ATRAID: variants seen among roughly 807,000 people sequenced by gnomAD.
ATRAID encodes all-trans retinoic acid-induced differentiation factor.
In ATRAID, 26 loss-of-function variants were observed where a neutral mutation model predicts 28.8. The observed-to-expected ratio is 0.90, with a 90% confidence interval of 0.66 to 1.25. The LOEUF is 1.25. Among genes scored for constraint, ATRAID ranks in the 50% most tolerant of loss-of-function variants. The probability of loss-of-function intolerance (pLI) is 0.00; values close to 1 mark genes in which losing one functional copy is unlikely to be tolerated. For missense variants in ATRAID, 308 were observed against 285.9 expected (o/e 1.08, Z -0.56); for synonymous variants, 131 against 108.5 (o/e 1.21, Z -1.29).
At position 27,212,256 on chromosome 2, in the gene ATRAID, G is replaced by A. The variant is rs1417563010; in HGVS notation, c.-113G>A. On this transcript the variant is annotated 5_prime_UTR_variant, in exon 1 of 7. Coordinates refer to ENST00000380171, the MANE Select transcript of ATRAID (RefSeq NM_001170795.4). ...CAGGAAAAGCCCCCAAGCAGCCCCA[G>A]GGCGACTGGACCGGGCCGCTTAGGC... 1.9e-6 allele frequency: 3 copies of A among 1,559,760 alleles called. No homozygotes were observed. Among genetic ancestry groups the A allele is most frequent in the Non-Finnish European group, 1.7e-6 (2 of 1,152,424 alleles).
At chr2:27,213,855 CCA>C (rs1469398073) in intron 2 of ATRAID, among the ~76,000 whole-genome samples, 4 of 152,204 alleles carry the variant, frequency 2.6e-5, no homozygotes, top group Non-Finnish European at 5.9e-5. Context: ...CCTTCCTCTA[CCA>C]AATTAGGAAA....
chr2:27,215,462 T>C lies in ATRAID; in HGVS notation c.294-12T>C. On this transcript the variant is annotated splice_polypyrimidine_tract_variant and intron_variant, in intron 3 of 6. Coordinates refer to ENST00000380171, the MANE Select transcript of ATRAID (RefSeq NM_001170795.4). ...GGTTGATGCGAAAGTGCTAACATTGTGTACTTTGCAGAGACCTGCAAGCAA... is the reference window on the plus strand; with the variant it reads ...GGTTGATGCGAAAGTGCTAACATTGCGTACTTTGCAGAGACCTGCAAGCAA... 1 of 1,614,180 alleles carries C rather than the reference T, an allele frequency of 6.2e-7. No homozygotes were observed.
chr2:27,212,140 G>T lies in ATRAID; in HGVS notation c.-229G>T. 1 of 1,521,394 alleles carries T rather than the reference G, an allele frequency of 6.6e-7. No homozygotes were observed. The highest frequency in any genetic ancestry group is 8.8e-7 in the Non-Finnish European group (1 of 1,137,514). 94.2% of individuals were successfully genotyped at this position (1,521,394 alleles called of 1,614,324 possible). A position where few individuals can be genotyped will look rare whatever the true frequency, so the allele number is the denominator to read the frequency against. On this transcript the variant is annotated 5_prime_UTR_variant, in exon 1 of 7. Coordinates refer to ENST00000380171, the MANE Select transcript of ATRAID (RefSeq NM_001170795.4). Reference sequence around the variant, plus strand: ...GGGAAGCCGCGCGGCGACGGGGGAGGCCTTCACTAAAGGGGAAAAGGAAGA... The same window carrying T: ...GGGAAGCCGCGCGGCGACGGGGGAGTCCTTCACTAAAGGGGAAAAGGAAGA...
In ATRAID at chr2:27,215,941, C is replaced by G. The variant is rs148661974; in HGVS notation, c.487+188C>G. ...CACGTGTGTCCGTGTAAAGAGACCA[C>G]CAAACAGGCTTTGTGTGAGCAACAA... is the stretch of plus-strand genomic sequence containing the variant. On this transcript the variant is annotated intron_variant, in intron 5 of 6. Transcript: ENST00000380171. 5.9e-3 allele frequency among the ~76,000 whole-genome samples: 893 copies of G among 152,356 alleles called. 6 individuals are homozygous for G. The highest frequency in any genetic ancestry group is 0.02 in the African/African-American group (842 of 41,584).
chr2:27,216,414 T>G (rs1438846128), intron 5 of ATRAID, 109 bp from the exon 6 acceptor site: 1 of 924,098 alleles, frequency 1.1e-6, no homozygotes, highest in Non-Finnish European at 1.7e-6. Flanking sequence ...TTCTTTCTTC[T>G]TCCTTTATCC....
At position 27,212,203 on chromosome 2, in the gene ATRAID, C is replaced by G; in HGVS notation, c.-166C>G. On this transcript the variant is annotated 5_prime_UTR_variant, in exon 1 of 7. Transcript: ENST00000380171. ...GTATCCCCGAAAGAGGGCTAGGGCG[C>G]ATGAAGACCAGCGCAGAGCTCCACG... 6.4e-7 allele frequency: 1 copy of G among 1,554,944 alleles called. No homozygotes were observed. The highest frequency in any genetic ancestry group is 1.4e-5 in the African/African-American group (1 of 73,562).
chr2:27,213,126 C>A (rs1674670041), intron 1 of ATRAID, 51 bp from the exon 2 acceptor site: 1 of 1,576,646 alleles, frequency 6.3e-7, no homozygotes, highest in South Asian at 1.1e-5. Context: ...GCCGTTTGTT[C>A]TTTTCTTGGC....
At chr2:27,213,330 C>CA (rs769425421) in intron 2 of ATRAID, 32 bp downstream of exon 2, 2 of 1,599,502 alleles carry the variant, frequency 1.3e-6, no homozygotes, top group Non-Finnish European at 1.7e-6. Flanking sequence ...ATGCTGGATA[C>CA]AGGCCATTCC....
Position 27,212,419 on chromosome 2 carries a change from C to A in ATRAID, c.51C>A (p.Ala17=), listed in dbSNP as rs1035238411. The change falls in exon 1 of 7, where the codon GCC becomes GCA. Residue 17 remains alanine, a synonymous_variant. Transcript: ENST00000380171. ...GSLTTLVPWA[A]ALLLALGVER... The stretch of plus-strand genomic sequence containing the variant: ...TTACGACCCTGGTGCCCTGGGCTGC[C>A]GCCCTGCTCCTCGCTCTGGGCGTGG... 1.9e-6 allele frequency: 3 copies of A among 1,554,694 alleles called. No homozygotes were observed. Among genetic ancestry groups the A allele is most frequent in the East Asian group, 2.4e-5 (1 of 41,090 alleles).
intron 1 of ATRAID, 47 bp from the exon 2 acceptor site, chr2:27,213,130 T>G: frequency 6.3e-7 from 1 of 1,594,922 alleles, no homozygotes; most frequent in Non-Finnish European, 8.6e-7. Flanking sequence ...TTTGTTCTTT[T>G]CTTGGCTTTT....
At position 27,215,619 on chromosome 2, in the gene ATRAID, C is replaced by T. The variant is rs745574127; in HGVS notation, c.366-13C>T. 9.9e-6 allele frequency: 16 copies of T among 1,614,080 alleles called. No individual in the cohort carries two copies. Among genetic ancestry groups the T allele is most frequent in the African/African-American group, 2.7e-5 (2 of 74,932 alleles). The stretch of plus-strand genomic sequence containing the variant: ...TTAGCAACTTTGCATGTTATGACCA[C>T]ATTTCTCTATAGGATACTGCCACAA... On this transcript the variant is annotated splice_polypyrimidine_tract_variant and intron_variant, in intron 4 of 6. Transcript: ENST00000380171.
Position 27,215,461 on chromosome 2 carries a change from G to T in ATRAID, c.294-13G>T, listed in dbSNP as rs199615657. On this transcript the variant is annotated splice_polypyrimidine_tract_variant and intron_variant, in intron 3 of 6. Transcript: ENST00000380171. ...AGGTTGATGCGAAAGTGCTAACATT[G>T]TGTACTTTGCAGAGACCTGCAAGCA... The T allele has an allele frequency of 6.2e-7, 1 of 1,614,182 alleles. No individual in the cohort carries two copies. Among genetic ancestry groups the T allele is most frequent in the Non-Finnish European group, 8.5e-7 (1 of 1,180,010 alleles).
chr2:27,216,036 A>G (rs987167500), intron 5 of ATRAID, among the ~76,000 whole-genome samples: 1 of 152,218 alleles, frequency 6.6e-6, no homozygotes, highest in Non-Finnish European at 1.5e-5. Context: ...TGGTGGGATT[A>G]TCATTAGTTC....
At chr2:27,215,451 T>C in intron 3 of ATRAID, 23 bp from the exon 4 acceptor site, 2 of 1,614,154 alleles carry the variant, frequency 1.2e-6, no homozygotes, top group Non-Finnish European at 1.7e-6. Flanking sequence ...GATGCGAAAG[T>C]GCTAACATTG....
chr2:27,216,773 A>G lies in ATRAID; in HGVS notation c.586-71A>G. On this transcript the variant is annotated intron_variant, in intron 6 of 6. Transcript: ENST00000380171. Reference sequence around the variant, plus strand: ...GACAAAGTGATAGGTATATTAGGAAAGAACTAGGTGTTAGGATGTGGCCCT... The same window carrying G: ...GACAAAGTGATAGGTATATTAGGAAGGAACTAGGTGTTAGGATGTGGCCCT... 2.0e-6 allele frequency: 3 copies of G among 1,473,550 alleles called. No homozygotes were observed. In the East Asian group the frequency reaches 6.8e-5, roughly 33 times the overall value. The allele number at this position is 1,473,550 out of a possible 1,614,324, so 91.3% of individuals were successfully genotyped here. A position where few individuals can be genotyped will look rare whatever the true frequency, so the allele number is the denominator to read the frequency against.
intron 5 of ATRAID, 118 bp downstream of exon 5, chr2:27,215,871 C>T (rs1428577380): frequency 4.4e-6 from 6 of 1,349,532 alleles, no homozygotes; most frequent in South Asian, 2.8e-5. Context: ...GGGGCTATAA[C>T]CCCTTTGAAA....
In ATRAID at chr2:27,216,951, T is replaced by C. The variant is rs751388402; in HGVS notation, c.*3T>C. On this transcript the variant is annotated 3_prime_UTR_variant, in exon 7 of 7. Transcript: ENST00000380171. ...GCCGAAAAGCCAAGACTTCATGAACTACATAGGTCTTACCATTGACCTAAG... is the reference window on the plus strand; with the variant it reads ...GCCGAAAAGCCAAGACTTCATGAACCACATAGGTCTTACCATTGACCTAAG... 14 of 1,600,326 alleles carry C rather than the reference T, an allele frequency of 8.7e-6. No individual in the cohort carries two copies. In the Admixed American group the frequency reaches 1.5e-4, roughly 17 times the overall value.
At position 27,215,362 on chromosome 2, in the gene ATRAID, A is replaced by G; in HGVS notation, c.263A>G (p.Asn88Ser). ...TGTTCTCTGGAGGACCCTGGTCCAA[A>G]CTTTCATCAGGCACATACCACTGTC... ...QNCSLEDPGP[N>S]FHQAHTTVII... The change falls in exon 3 of 7, where the codon AAC becomes AGC. Residue 88 changes from asparagine to serine, a missense_variant. Transcript: ENST00000380171. The G allele has an allele frequency of 6.2e-7, 1 of 1,614,196 alleles. No individual in the cohort carries two copies. The highest frequency in any genetic ancestry group is 1.1e-5 in the South Asian group (1 of 91,084).
chr2:27,216,247 A>G (rs528228565), intron 5 of ATRAID: 9 of 419,986 alleles, frequency 2.1e-5, no homozygotes, highest in South Asian at 1.2e-4. Flanking sequence ...ACAAATCACA[A>G]TGGTGGAATG....
Sources: gnomAD v4.1 joint callset for allele counts (sites outside exome capture counted in the v4.1 genomes callset) on GRCh38, gnomAD v4.1.1 for gene constraint, MANE v1.5 for transcripts, NCBI Gene and HGNC (gene_info 2026-07-23, HGNC 2026-07-21) for gene names.